The following USP22 variants were observed in gnomAD, a reference collection of about 807,000 sequenced individuals.
The protein encoded by USP22 is ubiquitin specific peptidase 22.
A neutral mutation model predicts 68.1 loss-of-function variants in USP22; 22 were observed. The observed-to-expected ratio is 0.32, with a 90% CI of 0.23 to 0.46. The LOEUF (loss-of-function observed/expected upper bound fraction) is 0.46, where lower values mean the gene tolerates loss of function less well. Among genes scored for constraint, USP22 ranks in the 20% least tolerant of loss-of-function variants. The pLI, the probability that USP22 is intolerant of heterozygous loss-of-function variation, is 1.00. For missense variants in USP22, 433 were observed against 695.8 expected, an observed-to-expected ratio of 0.62 and a Z score of 4.25; for synonymous variants, 279 against 274.2, an observed-to-expected ratio of 1.02 and a Z score of -0.17.
chr17:21,041,326 G>A (rs1972427975), intron 1 of USP22, among the ~76,000 whole-genome samples: 1 of 152,120 alleles, frequency 6.6e-6, no homozygotes, highest in Non-Finnish European at 1.5e-5. Flanking sequence ...GGCCGGGCAC[G>A]GTGGCTCATG....
In USP22 at chr17:21,004,296, T is replaced by C. The variant is rs1381117157; in HGVS notation, c.1441A>G (p.Thr481Ala). ...TCTTTGTGCTGCCGGATAAAGCTGG[T>C]GTAGTGGCCACTCTCCAAGGTCCCT... ...HQGTLESGHY[T>A]SFIRQHKDQW... The change falls in exon 12 of 13, where the codon ACC becomes GCC. Residue 481 changes from threonine (T) to alanine (A), a missense_variant. Physicochemically the swap from Thr to Ala is moderately conservative, Grantham distance 58. Coordinates refer to ENST00000261497, the MANE Select transcript of USP22 (RefSeq NM_015276.2). The C allele has an allele frequency of 6.2e-7, 1 of 1,613,958 alleles. No homozygotes were observed. Among genetic ancestry groups the C allele is most frequent in the East Asian group, 2.2e-5 (1 of 44,898 alleles).
At position 21,005,005 on chromosome 17, in the gene USP22, G is replaced by C; in HGVS notation, c.1323-15C>G. The C allele has an allele frequency of 1.2e-6, 2 of 1,613,892 alleles. No homozygotes were observed. Among genetic ancestry groups the C allele is most frequent in the Non-Finnish European group, 1.7e-6 (2 of 1,179,826 alleles). On this transcript the variant is annotated splice_polypyrimidine_tract_variant and intron_variant, in intron 10 of 12. Transcript: ENST00000261497. ...TGCTCTCTTTGCTGTAACAGACAACGGCAGGATTCAGCATCATTAAAATCA... is the reference window on the plus strand; with the variant it reads ...TGCTCTCTTTGCTGTAACAGACAACCGCAGGATTCAGCATCATTAAAATCA...
chr17:21,017,868 C>T, intron 5 of USP22, 74 bp downstream of exon 5: 1 of 1,560,072 alleles, frequency 6.4e-7, no homozygotes, highest in Non-Finnish European at 8.7e-7. Context: ...TATCATGGTC[C>T]ACCTTAAATT....
chr17:21,015,815 C>T lies in USP22; in HGVS notation c.775G>A (p.Glu259Lys). 1 of 1,614,004 alleles carries T rather than the reference C, an allele frequency of 6.2e-7. No homozygotes were observed. Among genetic ancestry groups the T allele is most frequent in the Non-Finnish European group, 8.5e-7 (1 of 1,180,000 alleles). ...WTHARHLAGY[E>K]QQDAHEFLIA... ...AGGAACTCGTGGGCGTCCTGCTGCT[C>T]GTAGCCTGCTAGGTGCCTCGCGTGG... The change falls in exon 6 of 13, where the codon GAG (glutamate) becomes AAG (lysine). Residue 259 changes from glutamate to lysine, a missense_variant. By Grantham distance (56) the Glu-to-Lys change is moderately conservative. This residue lies in a region of USP22 where 178 missense variants were observed against 351.5 expected (regional missense o/e 0.51). Transcript: ENST00000261497.
chr17:21,033,612 G>C (rs1019233224), intron 1 of USP22, among the ~76,000 whole-genome samples: 1 of 152,190 alleles, frequency 6.6e-6, no homozygotes, highest in Non-Finnish European at 1.5e-5. Flanking sequence ...TTAAGAGCTA[G>C]TGCACTTTTC....
chr17:21,010,081 C>G (rs1401298198), intron 8 of USP22, among the ~76,000 whole-genome samples: 1 of 151,898 alleles, frequency 6.6e-6, no homozygotes, highest in Non-Finnish European at 1.5e-5. Context: ...GACACTGAGG[C>G]TGAGCCCAGG....
At chr17:21,014,736 ACT>A (rs941018624) in intron 6 of USP22, among the ~76,000 whole-genome samples, 2 of 151,972 alleles carry the variant, frequency 1.3e-5, no homozygotes, top group Admixed American at 6.6e-5. Context: ...TCAGAACAGG[ACT>A]CTGTTCTCTA....
chr17:21,016,548 C>T (rs1972085776), intron 5 of USP22, among the ~76,000 whole-genome samples: 2 of 152,222 alleles, frequency 1.3e-5, no homozygotes, highest in South Asian at 4.1e-4. Context: ...AACTGGGAAA[C>T]AGACAACTAA....
At chr17:21,005,718 AACATGCTTT>A (rs1913756716) in intron 10 of USP22, among the ~76,000 whole-genome samples, 1 of 152,350 alleles carries the variant, frequency 6.6e-6, no homozygotes, top group South Asian at 2.1e-4. Flanking sequence ...ACCAAAAAGC[AACATGCTTT>A]CCACGGTGCT....
In USP22 at chr17:21,002,732, G is replaced by C. The variant is rs566729905; in HGVS notation, c.*299C>G. 1 of 379,108 alleles carries C rather than the reference G, an allele frequency of 2.6e-6. No homozygotes were observed. Among genetic ancestry groups the C allele is most frequent in the Non-Finnish European group, 5.1e-6 (1 of 197,070 alleles). 23.5% of individuals were successfully genotyped at this position (379,108 alleles called of 1,614,324 possible). A position where few individuals can be genotyped will look rare whatever the true frequency, so the allele number is the denominator to read the frequency against. On this transcript the variant is annotated 3_prime_UTR_variant, in exon 13 of 13. Transcript: ENST00000261497. Reference sequence around the variant, plus strand: ...GGTCACTCTGTGCTGTGAGGCCCCCGTTGCACCCCCATGTCATGACACAAG... The same window carrying C: ...GGTCACTCTGTGCTGTGAGGCCCCCCTTGCACCCCCATGTCATGACACAAG...
At chr17:21,004,800 TGCGGGCAGCCAAGCG>T in intron 11 of USP22, 113 bp downstream of exon 11, 6 of 399,286 alleles carry the variant, frequency 1.5e-5, no homozygotes, top group Non-Finnish European at 1.7e-5. Context: ...ATAGTGGAGC[TGCGGGCAGCCAAGCG>T]GGAAGCAGGT....
chr17:21,024,013 A>G (rs1425277284), intron 2 of USP22, among the ~76,000 whole-genome samples: 1 of 152,250 alleles, frequency 6.6e-6, no homozygotes, highest in East Asian at 1.9e-4. Context: ...GAAGTCTTCC[A>G]AAGCAGATCT....
intron 5 of USP22, 79 bp downstream of exon 5, chr17:21,017,863 T>C: frequency 1.9e-6 from 3 of 1,538,830 alleles, no homozygotes; most frequent in East Asian, 4.5e-5. Flanking sequence ...TCCTTTATCA[T>C]GGTCCACCTT....
intron 2 of USP22, among the ~76,000 whole-genome samples, chr17:21,022,810 A>AAC (rs1972173003): frequency 1.3e-5 from 2 of 149,684 alleles, no homozygotes; most frequent in African/African-American, 4.9e-5. Context: ...AAAAAAAAAA[A>AAC]AAACCAAATG....
At chr17:21,006,283 T>G (rs1007359806) in intron 10 of USP22, among the ~76,000 whole-genome samples, 1 of 152,238 alleles carries the variant, frequency 6.6e-6, no homozygotes, top group African/African-American at 2.4e-5. Flanking sequence ...AAACCAACTA[T>G]GTCTGCCTGT....
Position 21,004,790 on chromosome 17 carries a change from ATAGTGGAGCT to A in USP22, c.1385+128_1385+137del. On this transcript the variant is annotated intron_variant, in intron 11 of 12. Transcript: ENST00000261497. The stretch of plus-strand genomic sequence containing the variant: ...TTCCTAGTGGAGCTGCGGGCAGCCA[ATAGTGGAGCT>A]GCGGGCAGCCAAGCGGGAAGCAGGT... 223 of 88,468 alleles carry A rather than the reference ATAGTGGAGCT, an allele frequency of 2.5e-3. 56 individuals are homozygous for A. Among genetic ancestry groups the A allele is most frequent in the South Asian group, 0.016 (34 of 2,174 alleles). 5.5% of individuals were successfully genotyped at this position (88,468 alleles called of 1,614,324 possible).
intron 12 of USP22, 144 bp from the exon 13 acceptor site, chr17:21,003,217 G>C: frequency 2.1e-6 from 2 of 937,080 alleles, no homozygotes; most frequent in Non-Finnish European, 3.3e-6. Flanking sequence ...TTTTTAGTCC[G>C]CAAGGAGGAA....
Position 21,012,845 on chromosome 17 carries a change from GTGA to G in USP22, c.926_928del (p.Val309_Thr310delinsAla). On this transcript the variant is annotated inframe_deletion, in exon 7 of 13. Transcript: ENST00000261497. ...TCTCACTTACTGGCAGACTTGGCAGGTGACGTCTGACTGCAACCCGCCTGTGAA... is the reference window on the plus strand; with the variant it reads ...TCTCACTTACTGGCAGACTTGGCAGGCGTCTGACTGCAACCCGCCTGTGAA... 6.2e-7 allele frequency: 1 copy of G among 1,614,026 alleles called. No individual in the cohort carries two copies. The highest frequency in any genetic ancestry group is 1.1e-5 in the South Asian group (1 of 91,070).
chr17:21,007,781 G>T (rs928794275), intron 9 of USP22, 89 bp downstream of exon 9: 239 of 1,502,178 alleles, frequency 1.6e-4, no homozygotes, highest in Non-Finnish European at 1.9e-4. Context: ...TATAAAAAAT[G>T]TAACTGCACA....
Sources: gnomAD v4.1 joint callset for allele counts (sites outside exome capture counted in the v4.1 genomes callset) on GRCh38, gnomAD v4.1.1 for gene constraint, gnomAD v4.1.1 regional missense constraint, MANE v1.5 for transcripts, NCBI Gene and HGNC (gene_info 2026-07-23, HGNC 2026-07-21) for gene names.